Variants in GFPT1 observed in about 807,000 individuals in gnomAD.
GFPT1 encodes the protein glutamine--fructose-6-phosphate aminotransferase [isomerizing] 1.
Under a neutral mutation model 92.0 loss-of-function variants are expected in GFPT1, and 40 were observed. The ratio of observed to expected loss-of-function variants is 0.43; its 90% confidence interval spans 0.34 to 0.57. The LOEUF is 0.57. Among genes scored for constraint, GFPT1 ranks in the 20% least tolerant of loss-of-function variants. GFPT1 has a pLI of 0.02. For missense variants in GFPT1, 448 were observed against 869.1 expected (o/e 0.52, Z 6.09); for synonymous variants, 269 against 280.6 (o/e 0.96, Z 0.41).
At chr2:69,326,276 A>G in intron 19 of GFPT1, 43 bp from the exon 20 acceptor site, 1 of 1,373,010 alleles carries the variant, frequency 7.3e-7, no homozygotes, top group Admixed American at 1.7e-5. Context: ...GAGAGATTAT[A>G]TAGACTGGGG....
chr2:69,354,712 A>AT (rs1373687198), intron 7 of GFPT1, 144 bp from the exon 8 acceptor site: 14 of 667,102 alleles, frequency 2.1e-5, no homozygotes, highest in African/African-American at 5.4e-5. Flanking sequence ...GATAAAAAGA[A>AT]TTTTTTAAAA....
intron 1 of GFPT1, among the ~76,000 whole-genome samples, 177 bp from the exon 2 acceptor site, chr2:69,374,290 CAT>C (rs1158721332): frequency 6.6e-6 from 1 of 150,658 alleles, no homozygotes; most frequent in East Asian, 1.9e-4. Flanking sequence ...AAAAACTAAA[CAT>C]GTCAAAATAC....
chr2:69,379,384 T>C (rs1433900208), intron 1 of GFPT1, among the ~76,000 whole-genome samples: 1 of 152,098 alleles, frequency 6.6e-6, no homozygotes, highest in Non-Finnish European at 1.5e-5. Flanking sequence ...TTAGGCATGG[T>C]GGTGCATGCC....
rs188523422 is a variant in GFPT1 at position 69,356,525 on chromosome 2, A to C, written c.576T>G (p.Val192=). ...TGCCAACTGCTTGCCCGGGAAAATG[A>C]ACACTTTTAAACACAAGTGCAAAAG... ...EGAFALVFKS[V]HFPGQAVGTR... Residue 192 remains valine (V), a synonymous_variant, in exon 7 of 20, where the codon GTT becomes GTG. Transcript: ENST00000357308. The C allele has an allele frequency of 7.4e-6, 12 of 1,613,584 alleles. No homozygotes were observed. The East Asian group carries it at 2.7e-4, about 36-fold the overall frequency.
At chr2:69,346,532 T>C (rs1671086874) in intron 11 of GFPT1, among the ~76,000 whole-genome samples, 1 of 151,940 alleles carries the variant, frequency 6.6e-6, no homozygotes, top group Admixed American at 6.6e-5. Flanking sequence ...GCCACCGCAC[T>C]CAGTCAACTG....
At position 69,350,178 on chromosome 2, in the gene GFPT1, C is replaced by T; in HGVS notation, c.745G>A (p.Asp249Asn). Residue 249 changes from aspartate to asparagine, a missense_variant, in exon 10 of 20, where the codon GAC becomes AAC. Physicochemically the swap from Asp to Asn is conservative, Grantham distance 23. Around this residue, in one of 7 missense-constraint regions of GFPT1, gnomAD observed 118 missense variants for 192.9 expected, o/e 0.61. Coordinates refer to ENST00000357308, the MANE Select transcript of GFPT1 (RefSeq NM_001244710.2). ...GAGAGATTGCAGCTTCCTTTCTTGT[C>T]TTTGCCTAAAGCATATAGTTAACAT... ...RWGSQGERGK[D>N]KKGSCNLSRV... 6.2e-7 allele frequency: 1 copy of T among 1,609,532 alleles called. No individual in the cohort carries two copies. Among genetic ancestry groups the T allele is most frequent in the African/African-American group, 1.3e-5 (1 of 74,900 alleles).
At chr2:69,366,305 T>G (rs1056317574) in intron 3 of GFPT1, among the ~76,000 whole-genome samples, 1 of 152,224 alleles carries the variant, frequency 6.6e-6, no homozygotes, top group African/African-American at 2.4e-5. Flanking sequence ...ATTATTGCTA[T>G]GACAATAAGC....
chr2:69,329,852 T>C (rs1407782565), intron 15 of GFPT1, 54 bp from the exon 16 acceptor site: 21 of 915,162 alleles, frequency 2.3e-5, no homozygotes, highest in Middle Eastern at 2.1e-4. Flanking sequence ...CTGAAGAATT[T>C]AGAACTTTTA....
chr2:69,379,871 T>C (rs576179354), intron 1 of GFPT1, among the ~76,000 whole-genome samples: 1 of 151,966 alleles, frequency 6.6e-6, no homozygotes, highest in Non-Finnish European at 1.5e-5. Flanking sequence ...AGACGTAAGC[T>C]ACCACGCCCA....
intron 1 of GFPT1, among the ~76,000 whole-genome samples, chr2:69,385,302 T>C (rs1672105705): frequency 6.6e-6 from 1 of 152,170 alleles, no homozygotes; most frequent in Admixed American, 6.5e-5. Flanking sequence ...CCCGGCTCAC[T>C]GCAACCTCCA....
rs2104585558 is a variant in GFPT1 at position 69,321,082 on chromosome 2, C to T, written c.*5107G>A. ...CTTTGCTCTATAATTAACAGAGAGC[C>T]AGATATTACAGAAACTTTAGATTGT... On this transcript the variant is annotated 3_prime_UTR_variant, in exon 20 of 20. Coordinates refer to ENST00000357308, the MANE Select transcript of GFPT1 (RefSeq NM_001244710.2). The T allele has an allele frequency of 6.6e-6, 1 of 152,294 alleles. No homozygotes were observed. The highest frequency in any genetic ancestry group is 2.4e-5 in the African/African-American group (1 of 41,568). 9.4% of individuals were successfully genotyped at this position (152,294 alleles called of 1,614,324 possible). A position where few individuals can be genotyped will look rare whatever the true frequency, so the allele number is the denominator to read the frequency against.
intron 4 of GFPT1, among the ~76,000 whole-genome samples, chr2:69,361,231 T>A (rs1481436585): frequency 6.6e-6 from 1 of 151,946 alleles, no homozygotes; most frequent in East Asian, 1.9e-4. Flanking sequence ...ATGGATCACC[T>A]GAGCTCAGGA....
Position 69,322,983 on chromosome 2 carries a change from T to C in GFPT1, c.*3206A>G, listed in dbSNP as rs576153814. 1 of 152,346 alleles carries C rather than the reference T, an allele frequency of 6.6e-6. No individual in the cohort carries two copies. The highest frequency in any genetic ancestry group is 1.9e-4 in the East Asian group (1 of 5,196). 9.4% of individuals were successfully genotyped at this position (152,346 alleles called of 1,614,324 possible). A position where few individuals can be genotyped will look rare whatever the true frequency, so the allele number is the denominator to read the frequency against. On this transcript the variant is annotated 3_prime_UTR_variant, in exon 20 of 20. Coordinates refer to ENST00000357308, the MANE Select transcript of GFPT1 (RefSeq NM_001244710.2). ...GATGAGTCCATCTGGGGACAAATAC[T>C]GCTTTAAAGATGATGTAATTTTCAA... is the stretch of plus-strand genomic sequence containing the variant.
chr2:69,349,209 A>T (rs1199369952), intron 10 of GFPT1, among the ~76,000 whole-genome samples: 1 of 152,188 alleles, frequency 6.6e-6, no homozygotes. Flanking sequence ...AGGAAAAGTA[A>T]TATTTTTATT....
At chr2:69,362,391 T>TG (rs1368725363) in intron 4 of GFPT1, among the ~76,000 whole-genome samples, 5 of 152,212 alleles carry the variant, frequency 3.3e-5, no homozygotes, top group African/African-American at 1.2e-4. Flanking sequence ...CCTTCCAAAG[T>TG]GCTGGGTAGA....
chr2:69,354,757 C>T (rs1045354376), intron 7 of GFPT1, among the ~76,000 whole-genome samples, 189 bp from the exon 8 acceptor site: 1 of 152,092 alleles, frequency 6.6e-6, no homozygotes, highest in Non-Finnish European at 1.5e-5. Context: ...TGGCTCACAC[C>T]CGTAATCCCA....
intron 1 of GFPT1, among the ~76,000 whole-genome samples, chr2:69,379,865 G>A (rs560602659): frequency 2.6e-5 from 4 of 151,826 alleles, no homozygotes; most frequent in Non-Finnish European, 5.9e-5. Context: ...GATTACAGAC[G>A]TAAGCTACCA....
rs778070698 is a variant in GFPT1, at chr2:69,354,544, A to C, written c.630T>G (p.Gly210=). 2 of 1,610,444 alleles carry C rather than the reference A, an allele frequency of 1.2e-6. No individual in the cohort carries two copies. The highest frequency in any genetic ancestry group is 2.2e-5 in the South Asian group (2 of 90,996). Residue 210 remains glycine (G), a synonymous_variant, in exon 8 of 20, where the codon GGT becomes GGG. Transcript: ENST00000357308. ...GTRRGSPLLI[G]VRSEHKLSTD... is the part of the protein sequence containing the mutation. Reference sequence around the variant, plus strand: ...TAGAAAGTTTATGTTCACTCCGTACACCAATCAACAGAGGGCTACCTCGCC... The same window carrying C: ...TAGAAAGTTTATGTTCACTCCGTACCCCAATCAACAGAGGGCTACCTCGCC...
intron 6 of GFPT1, among the ~76,000 whole-genome samples, chr2:69,357,359 T>G (rs1671363578): frequency 6.6e-6 from 1 of 152,092 alleles, no homozygotes; most frequent in Admixed American, 6.5e-5. Context: ...TACAACTCCA[T>G]CAACCCGAAT....
Sources: allele counts gnomAD v4.1 joint callset (sites outside exome capture counted in the v4.1 genomes callset), GRCh38; gene constraint gnomAD v4.1.1; regional missense constraint gnomAD v4.1.1; transcripts MANE v1.5; gene names NCBI Gene and HGNC (gene_info 2026-07-23, HGNC 2026-07-21).